The following PDS5A variants were observed in gnomAD, a reference collection of about 807,000 sequenced individuals.
The protein encoded by PDS5A is sister chromatid cohesion protein PDS5 homolog A.
In PDS5A, 42 loss-of-function variants were observed where a neutral mutation model predicts 167.1. That is an observed-to-expected ratio of 0.25 (90% confidence interval 0.20 to 0.33). The LOEUF is 0.33. PDS5A is among the 10% of genes least tolerant of loss of function. The probability of loss-of-function intolerance (pLI) is 1.00; values close to 1 mark genes in which losing one functional copy is unlikely to be tolerated. For synonymous variants in PDS5A, 553 were observed against 554.6 expected (o/e 1.00, Z 0.04); for missense variants, 1,033 against 1,605.9 (o/e 0.64, Z 6.10).
In PDS5A at chr4:39,837,847, G is replaced by C; in HGVS notation, c.4010+9C>G. ...AAATTCCCACTTGAGGAAGAATGGC[G>C]TACATTACCTTTGTAAGTCAATTTG... is the stretch of plus-strand genomic sequence containing the variant. On this transcript the variant is annotated intron_variant, in intron 32 of 32. Coordinates refer to ENST00000303538, the MANE Select transcript of PDS5A (RefSeq NM_001100399.2). 1 of 1,587,850 alleles carries C rather than the reference G, an allele frequency of 6.3e-7. No individual in the cohort carries two copies. The highest frequency in any genetic ancestry group is 8.6e-7 in the Non-Finnish European group (1 of 1,163,346).
intron 27 of PDS5A, 99 bp from the exon 28 acceptor site, chr4:39,849,069 C>G (rs1288717915): frequency 1.2e-6 from 1 of 844,730 alleles, no homozygotes; most frequent in Non-Finnish European, 1.8e-6. Flanking sequence ...AAGAAGGATA[C>G]TGTGGTTGTT....
At chr4:39,948,022 G>A (rs1298779844) in intron 2 of PDS5A, among the ~76,000 whole-genome samples, 1 of 152,042 alleles carries the variant, frequency 6.6e-6, no homozygotes, top group African/African-American at 2.4e-5. Context: ...AAGACAAGGA[G>A]GGAGGATGCC....
chr4:39,880,172 G>T, intron 17 of PDS5A, among the ~76,000 whole-genome samples: 1 of 152,026 alleles, frequency 6.6e-6, no homozygotes, highest in East Asian at 1.9e-4. Context: ...TATAGTAGTT[G>T]CTAAGTGAGC....
chr4:39,874,876 G>C (rs890844870), intron 19 of PDS5A, among the ~76,000 whole-genome samples: 1 of 152,096 alleles, frequency 6.6e-6, no homozygotes, highest in South Asian at 2.1e-4. Context: ...CAAAGATACA[G>C]CTACATATAT....
chr4:39,844,699 T>C lies in PDS5A; in HGVS notation c.3505A>G (p.Asn1169Asp). The change falls in exon 30 of 33, where the codon AAT becomes GAT. Residue 1169 changes from asparagine (N) to aspartate (D), a missense_variant. Asn to Asp is a conservative substitution (Grantham distance 23, BLOSUM62 1). This residue lies in a region of PDS5A where 233 missense variants were observed against 264.0 expected (regional missense o/e 0.88). Transcript: ENST00000303538. ...GAAGGGTTCAGCTCTGAATTTACAT[T>C]AATATTGCTTCCAGTCTCAGTGCCA... is the stretch of plus-strand genomic sequence containing the variant. ...STGTETGSNINVNSELNPSTG... is the reference protein window; with the variant it reads ...STGTETGSNIDVNSELNPSTG... 1.9e-6 allele frequency: 3 copies of C among 1,613,294 alleles called. No homozygotes were observed. The South Asian group carries it at 3.3e-5, about 18-fold the overall frequency.
At chr4:39,950,302 C>T (rs189220854) in intron 2 of PDS5A, among the ~76,000 whole-genome samples, 21 of 152,036 alleles carry the variant, frequency 1.4e-4, no homozygotes, top group Admixed American at 3.9e-4. Flanking sequence ...TGGGTCTCAC[C>T]TATAATCCCA....
intron 30 of PDS5A, among the ~76,000 whole-genome samples, chr4:39,842,844 TTAAAA>T (rs1262039053): frequency 2.0e-5 from 3 of 146,380 alleles, no homozygotes; most frequent in East Asian, 4.0e-4. Flanking sequence ...ACTTAACATG[TTAAAA>T]TAAACATGGA....
At chr4:39,940,493 T>C (rs892943066) in intron 2 of PDS5A, among the ~76,000 whole-genome samples, 28 of 152,174 alleles carry the variant, frequency 1.8e-4, no homozygotes, top group African/African-American at 6.5e-4. Context: ...AATCTAAAGA[T>C]ATATAAGAAT....
chr4:39,922,712 T>A lies in PDS5A; in HGVS notation c.564A>T (p.Leu188=). 2 of 1,577,928 alleles carry A rather than the reference T, an allele frequency of 1.3e-6. No individual in the cohort carries two copies. Among genetic ancestry groups the A allele is most frequent in the Non-Finnish European group, 1.7e-6 (2 of 1,163,400 alleles). The change falls in exon 6 of 33, where the codon CTA becomes CTT. Residue 188 remains leucine (L), a synonymous_variant. Coordinates refer to ENST00000303538, the MANE Select transcript of PDS5A (RefSeq NM_001100399.2). ...CCATGATGATAGAACTCATCAAATC[T>A]AGCATGTGCATTTGTACCTTCTTAT... ...SHNKKVQMHM[L]DLMSSIIMEG... is the part of the protein sequence containing the mutation.
chr4:39,842,487 C>T (rs1717115168), intron 30 of PDS5A, among the ~76,000 whole-genome samples: 1 of 152,130 alleles, frequency 6.6e-6, no homozygotes, highest in African/African-American at 2.4e-5. Context: ...GTATTTGAGG[C>T]CCCACTATTC....
intron 2 of PDS5A, chr4:39,976,135 TAA>T: frequency 5.3e-6 from 1 of 190,390 alleles, no homozygotes; most frequent in East Asian, 1.2e-4. Context: ...TGCCTACACC[TAA>T]GTTTGCAAGC....
At chr4:39,839,529 A>T (rs1442996238) in intron 31 of PDS5A, among the ~76,000 whole-genome samples, 1 of 152,006 alleles carries the variant, frequency 6.6e-6, no homozygotes, top group Non-Finnish European at 1.5e-5. Context: ...AGATCGCGCC[A>T]CTGCACTTTA....
In PDS5A at chr4:39,830,311, T is replaced by A. The variant is rs796124785; in HGVS notation, c.4011-4823A>T. Among the ~76,000 whole-genome samples, 3 of 152,194 alleles carry A rather than the reference T, an allele frequency of 2.0e-5. No homozygotes were observed. The East Asian group carries it at 5.8e-4, about 29-fold the overall frequency. ...CTCAAGCAATCCTCCTGCCACAGCA[T>A]CCCAAGTAGCTGGGACCACAGGTGA... On this transcript the variant is annotated intron_variant, in intron 32 of 32. Coordinates refer to ENST00000303538, the MANE Select transcript of PDS5A (RefSeq NM_001100399.2).
At chr4:39,840,842 C>A (rs1232431049) in intron 31 of PDS5A, among the ~76,000 whole-genome samples, 1 of 152,160 alleles carries the variant, frequency 6.6e-6, no homozygotes, top group Non-Finnish European at 1.5e-5. Flanking sequence ...GCAACCTTCA[C>A]CTCGAGGGTT....
chr4:39,844,570 G>T, intron 30 of PDS5A, 86 bp downstream of exon 30: 1 of 951,318 alleles, frequency 1.1e-6, no homozygotes, highest in Non-Finnish European at 1.6e-6. Flanking sequence ...AATGACAGAA[G>T]ACCATTTTAT....
rs1015157409 is a variant in PDS5A, at chr4:39,898,627, A to G, written c.1631-99T>C. ...CCATCAAAATATTGCGGAGCCACTA[A>G]AAGAAAATCAGCCTAGCTGGTTCTT... is the stretch of plus-strand genomic sequence containing the variant. On this transcript the variant is annotated intron_variant, in intron 15 of 32. Transcript: ENST00000303538. The G allele has an allele frequency of 8.4e-6, 8 of 949,604 alleles. No homozygotes were observed. In the African/African-American group the frequency reaches 1.0e-4, roughly 12 times the overall value. 58.8% of individuals were successfully genotyped at this position (949,604 alleles called of 1,614,324 possible).
At chr4:39,976,912 G>T (rs954368139) in intron 1 of PDS5A, among the ~76,000 whole-genome samples, 1 of 152,160 alleles carries the variant, frequency 6.6e-6, no homozygotes, top group Admixed American at 6.5e-5. Context: ...ACCAGGGTCC[G>T]AAGTTTGGCG....
Position 39,830,360 on chromosome 4 carries a change from C to A in PDS5A, c.4011-4872G>T, listed in dbSNP as rs527666724. ...GAATACCACCATGCCGGGCTAATTT[C>A]TTTTTAAATTTTTTGTAGAGACAGG... On this transcript the variant is annotated intron_variant, in intron 32 of 32. Transcript: ENST00000303538. 2.8e-4 allele frequency among the ~76,000 whole-genome samples: 43 copies of A among 152,134 alleles called. No homozygotes were observed. In the South Asian group the frequency reaches 7.9e-3, roughly 28 times the overall value.
At chr4:39,842,785 G>T (rs1717144098) in intron 30 of PDS5A, among the ~76,000 whole-genome samples, 1 of 150,638 alleles carries the variant, frequency 6.6e-6, no homozygotes, top group African/African-American at 2.4e-5. Context: ...GTATGTTTAT[G>T]AAAAAAATTG....
Sources: gnomAD v4.1 joint callset for allele counts (sites outside exome capture counted in the v4.1 genomes callset) on GRCh38, gnomAD v4.1.1 for gene constraint, gnomAD v4.1.1 regional missense constraint, MANE v1.5 for transcripts, NCBI Gene and HGNC (gene_info 2026-07-23, HGNC 2026-07-21) for gene names.